The following GALNT13 variants were observed in gnomAD, a reference collection of about 807,000 sequenced individuals.
GALNT13 encodes UDP-GalNAc:polypeptide N-acetylgalactosaminyltransferase 13.
A neutral mutation model predicts 64.2 loss-of-function variants in GALNT13; 28 were observed. The ratio of observed to expected loss-of-function variants is 0.44; its 90% CI spans 0.32 to 0.60. GALNT13 has a LOEUF of 0.60. Among genes scored for constraint, GALNT13 ranks in the 20% least tolerant of loss-of-function variants. GALNT13 has a pLI of 0.05. For missense variants in GALNT13, 577 were observed against 669.8 expected (o/e 0.86, Z 1.53); for synonymous variants, 214 against 224.6 (o/e 0.95, Z 0.42).
At chr2:154,228,879 T>A (rs1275738044) in intron 4 of GALNT13, among the ~76,000 whole-genome samples, 1 of 152,068 alleles carries the variant, frequency 6.6e-6, no homozygotes, top group African/African-American at 2.4e-5. Context: ...AAAACAAATA[T>A]AAGTTTCAAG....
At chr2:153,402,114 G>T in the GALNT13 span, among the ~76,000 whole-genome samples, 1 of 140,328 alleles carries the variant, frequency 7.1e-6, no homozygotes, top group South Asian at 2.4e-4. Flanking sequence ...CTCTTTTAGG[G>T]CAGGCGTGGT....
the GALNT13 span, among the ~76,000 whole-genome samples, chr2:153,629,587 G>A: frequency 6.6e-6 from 1 of 152,090 alleles, no homozygotes; most frequent in African/African-American, 2.4e-5. Flanking sequence ...CATAGGCATG[G>A]GCAAGGACTT....
At chr2:153,142,958 C>T in the GALNT13 span, among the ~76,000 whole-genome samples, 1 of 151,804 alleles carries the variant, frequency 6.6e-6, no homozygotes, top group Non-Finnish European at 1.5e-5. Flanking sequence ...GGTTCAACTT[C>T]CCAAGGAGAA....
the GALNT13 span, among the ~76,000 whole-genome samples, chr2:153,424,015 A>G: frequency 3.1e-4 from 47 of 151,292 alleles, no homozygotes; most frequent in African/African-American, 1.0e-3. Context: ...AACTATAGTA[A>G]ATAAAAATTT....
chr2:153,305,616 TG>T, the GALNT13 span, among the ~76,000 whole-genome samples: 2 of 152,156 alleles, frequency 1.3e-5, no homozygotes, highest in Non-Finnish European at 2.9e-5. Flanking sequence ...TTGTAAACCC[TG>T]GATAGACCTT....
At chr2:153,892,611 CA>C (rs1170396060) in intron 1 of GALNT13, among the ~76,000 whole-genome samples, 4 of 152,004 alleles carry the variant, frequency 2.6e-5, no homozygotes. Flanking sequence ...TTTATTTTTA[CA>C]GTGTAGTATA....
intron 4 of GALNT13, among the ~76,000 whole-genome samples, chr2:154,232,100 G>A (rs887954429): frequency 6.6e-6 from 1 of 151,834 alleles, no homozygotes; most frequent in East Asian, 1.9e-4. Flanking sequence ...ATGCTGCCCT[G>A]GATCATCTCA....
the GALNT13 span, among the ~76,000 whole-genome samples, chr2:153,537,849 C>G: frequency 6.6e-6 from 1 of 152,214 alleles, no homozygotes; most frequent in Admixed American, 6.5e-5. Context: ...GCCTCCTCAG[C>G]CCTGCTGACC....
chr2:153,426,513 T>C, the GALNT13 span, among the ~76,000 whole-genome samples: 1 of 152,000 alleles, frequency 6.6e-6, no homozygotes, highest in Non-Finnish European at 1.5e-5. Flanking sequence ...TTTGTTCATC[T>C]TTACGGTCTC....
the GALNT13 span, among the ~76,000 whole-genome samples, chr2:153,494,122 C>T: frequency 1.3e-5 from 2 of 151,874 alleles, no homozygotes; most frequent in Non-Finnish European, 1.5e-5. Context: ...TTGAACATCA[C>T]TGAGAAAAAT....
the GALNT13 span, among the ~76,000 whole-genome samples, chr2:153,323,312 A>G: frequency 6.6e-6 from 1 of 151,992 alleles, no homozygotes; most frequent in African/African-American, 2.4e-5. Context: ...GTGTCCATTC[A>G]TATCCTTCAC....
the GALNT13 span, among the ~76,000 whole-genome samples, chr2:153,216,829 T>C: frequency 6.6e-6 from 1 of 151,982 alleles, no homozygotes; most frequent in Non-Finnish European, 1.5e-5. Flanking sequence ...AATTTTTTTC[T>C]TTTGTTGGTC....
the GALNT13 span, among the ~76,000 whole-genome samples, chr2:153,769,954 C>A: frequency 6.6e-6 from 1 of 152,046 alleles, no homozygotes; most frequent in Non-Finnish European, 1.5e-5. Flanking sequence ...TCAATCTCTT[C>A]TTTATATTCT....
the GALNT13 span, among the ~76,000 whole-genome samples, chr2:153,462,276 A>C: frequency 6.6e-6 from 1 of 152,242 alleles, no homozygotes; most frequent in African/African-American, 2.4e-5. Flanking sequence ...TTTCTAATAT[A>C]TCTTTTTGTT....
intron 9 of GALNT13, among the ~76,000 whole-genome samples, chr2:154,337,859 C>T (rs1527863): frequency 0.017 from 2,528 of 151,744 alleles, 63 homozygotes; most frequent in African/African-American, 0.051. Flanking sequence ...AGAATGTTGT[C>T]GGTGGTTGGA....
the GALNT13 span, chr2:153,478,113 G>C: frequency 5.7e-6 from 4 of 704,588 alleles, no homozygotes; most frequent in East Asian, 3.0e-5. Flanking sequence ...CCGAAAGGCC[G>C]AAGTCGAGAG....
At chr2:154,028,202 C>T (rs1698105093) in intron 3 of GALNT13, among the ~76,000 whole-genome samples, 1 of 152,096 alleles carries the variant, frequency 6.6e-6, no homozygotes, top group Non-Finnish European at 1.5e-5. Flanking sequence ...TTTAAAGTTA[C>T]TTCCTTGAAG....
chr2:154,206,513 G>A (rs953229620), intron 4 of GALNT13, among the ~76,000 whole-genome samples: 3 of 151,878 alleles, frequency 2.0e-5, no homozygotes, highest in African/African-American at 7.3e-5. Flanking sequence ...GAGGAACGGG[G>A]GTCGGGCGCG....
the GALNT13 span, among the ~76,000 whole-genome samples, chr2:153,621,366 C>G: frequency 6.6e-6 from 1 of 152,006 alleles, no homozygotes; most frequent in African/African-American, 2.4e-5. Flanking sequence ...ATTATACAAG[C>G]ACCATCCCAA....
Sources: allele counts gnomAD v4.1 joint callset (sites outside exome capture counted in the v4.1 genomes callset), GRCh38; gene constraint gnomAD v4.1.1; transcripts MANE v1.5; gene names NCBI Gene and HGNC (gene_info 2026-07-23, HGNC 2026-07-21).